GRIK1: variants seen among roughly 807,000 people sequenced by gnomAD.
GRIK1 encodes glutamate receptor ionotropic, kainate 1.
In GRIK1, 69 loss-of-function variants were observed where a neutral mutation model predicts 105.7. The observed-to-expected ratio is 0.65, with a 90% CI of 0.54 to 0.80. The LOEUF (loss-of-function observed/expected upper bound fraction) is 0.80, where lower values mean the gene tolerates loss of function less well. GRIK1 is among the 30% of genes least tolerant of loss of function. The pLI is 0.00. For synonymous variants in GRIK1, 438 were observed against 431.3 expected, an observed-to-expected ratio of 1.02 and a Z score of -0.19; for missense variants, 1,109 against 1,167.3, an observed-to-expected ratio of 0.95 and a Z score of 0.73.
chr21:29,560,515 CCTTCCTTT>C lies in GRIK1; in HGVS notation c.2356+1101_2356+1108del, dbSNP rs1331059492. Reference sequence around the variant, plus strand: ...TCTTTCTTTCCTTCCTTCCTTCCTTCCTTCCTTTCTTTCTTTCTTTCTTTCTTTCTTTC... The same window carrying C: ...TCTTTCTTTCCTTCCTTCCTTCCTTCCTTTCTTTCTTTCTTTCTTTCTTTC... On this transcript the variant is annotated intron_variant, in intron 15 of 17. Coordinates refer to ENST00000327783, the MANE Select transcript of GRIK1 (RefSeq NM_001330994.2). Among the ~76,000 whole-genome samples, 65 of 50,254 alleles carry C rather than the reference CCTTCCTTT, an allele frequency of 1.3e-3. 6 individuals carry two copies. Among genetic ancestry groups the C allele is most frequent in the Admixed American group, 3.2e-3 (13 of 4,082 alleles). 33.0% of individuals were successfully genotyped at this position (50,254 alleles called of 152,430 possible). A position where few individuals can be genotyped will look rare whatever the true frequency, so the allele number is the denominator to read the frequency against.
intron 1 of GRIK1, among the ~76,000 whole-genome samples, chr21:29,722,359 A>G (rs1218643616): frequency 2.0e-5 from 3 of 152,086 alleles, no homozygotes. Flanking sequence ...GATCGAGACC[A>G]TCCTGGCTAA....
intron 1 of GRIK1, among the ~76,000 whole-genome samples, chr21:29,777,607 G>A (rs1209345380): frequency 6.6e-6 from 1 of 152,204 alleles, no homozygotes; most frequent in Non-Finnish European, 1.5e-5. Flanking sequence ...GGACATAGGT[G>A]AGGTGGCAAG....
chr21:29,773,134 T>G (rs1180745768), intron 1 of GRIK1, among the ~76,000 whole-genome samples: 2 of 152,194 alleles, frequency 1.3e-5, no homozygotes, highest in African/African-American at 4.8e-5. Flanking sequence ...TAAACTTTTA[T>G]GATAATATCT....
At chr21:29,708,731 CAG>C (rs1404886080) in intron 1 of GRIK1, among the ~76,000 whole-genome samples, 1 of 152,240 alleles carries the variant, frequency 6.6e-6, no homozygotes, top group Non-Finnish European at 1.5e-5. Flanking sequence ...GAGCCTGCAA[CAG>C]ACTCACTACA....
intron 4 of GRIK1, among the ~76,000 whole-genome samples, chr21:29,664,429 A>C (rs531294377): frequency 2.0e-5 from 3 of 152,336 alleles, no homozygotes; most frequent in Non-Finnish European, 4.4e-5. Context: ...ATACATTGTC[A>C]CATTTAAATT....
chr21:29,867,020 T>C (rs1403468499), intron 1 of GRIK1, among the ~76,000 whole-genome samples: 1 of 152,224 alleles, frequency 6.6e-6, no homozygotes. Context: ...TATTCTGTCC[T>C]TTATGTCATC....
At chr21:29,589,198 T>C (rs1481618039) in intron 10 of GRIK1, among the ~76,000 whole-genome samples, 156 bp from the exon 11 acceptor site, 2 of 152,208 alleles carry the variant, frequency 1.3e-5, no homozygotes, top group Non-Finnish European at 2.9e-5. Flanking sequence ...CCTCTATAAA[T>C]ACAAAACACT....
rs1239745467 is a variant in GRIK1 at position 29,834,324 on chromosome 21, A to G, written c.118+105059T>C. Among the ~76,000 whole-genome samples the G allele has an allele frequency of 4.0e-5, 6 of 148,556 alleles. No individual in the cohort carries two copies. In the South Asian group the frequency reaches 1.2e-3, roughly 31 times the overall value. On this transcript the variant is annotated intron_variant, in intron 1 of 17. Coordinates refer to ENST00000327783, the MANE Select transcript of GRIK1 (RefSeq NM_001330994.2). ...AGTGGCAATATTCTTATATATATAT[A>G]AAAATATATATATTTATGTATTACA...
intron 1 of GRIK1, among the ~76,000 whole-genome samples, chr21:29,839,948 TG>T (rs2067929529): frequency 2.0e-5 from 3 of 152,180 alleles, no homozygotes; most frequent in Admixed American, 2.0e-4. Flanking sequence ...AGGGCTTGAA[TG>T]ACGGCAAATT....
At chr21:29,785,166 C>A (rs564368282) in intron 1 of GRIK1, among the ~76,000 whole-genome samples, 2 of 152,154 alleles carry the variant, frequency 1.3e-5, no homozygotes, top group Admixed American at 6.5e-5. Flanking sequence ...TCAGAAGTAT[C>A]ACCATTTTAT....
At chr21:29,928,837 A>T (rs1053817561) in intron 1 of GRIK1, among the ~76,000 whole-genome samples, 1 of 152,176 alleles carries the variant, frequency 6.6e-6, no homozygotes, top group Non-Finnish European at 1.5e-5. Flanking sequence ...AATGACAGCA[A>T]ATGCCTCTCC....
intron 14 of GRIK1, among the ~76,000 whole-genome samples, chr21:29,562,647 C>T (rs2090509295): frequency 6.6e-6 from 1 of 150,900 alleles, no homozygotes. Flanking sequence ...AACAGCGAGA[C>T]TCTGTCTCAA....
At chr21:29,848,779 A>ATATATATATATATATATATATAT in intron 1 of GRIK1, among the ~76,000 whole-genome samples, 12 of 77,864 alleles carry the variant, frequency 1.5e-4, no homozygotes, top group African/African-American at 6.4e-4. Flanking sequence ...ATATATATAT[A>ATATATATATATATATATATATAT]TTTTTTTTTT....
At chr21:29,645,557 C>T (rs1297527726) in intron 6 of GRIK1, among the ~76,000 whole-genome samples, 1 of 152,054 alleles carries the variant, frequency 6.6e-6, no homozygotes, top group African/African-American at 2.4e-5. Flanking sequence ...CCCTTCAACC[C>T]AAAGAAGAAA....
In GRIK1 at chr21:29,939,771, A is replaced by G. The variant is rs2071914721; in HGVS notation, c.-271T>C. On this transcript the variant is annotated 5_prime_UTR_variant, in exon 1 of 18. Coordinates refer to ENST00000327783, the MANE Select transcript of GRIK1 (RefSeq NM_001330994.2). ...CATGGGCCGCAGACCGCGGAGGATC[A>G]GCGCTCTCTGGCTCCCGGAGCCCAG... 2 of 339,232 alleles carry G rather than the reference A, an allele frequency of 5.9e-6. No individual in the cohort carries two copies. The highest frequency in any genetic ancestry group is 5.3e-6 in the Non-Finnish European group (1 of 188,250). The allele number at this position is 339,232 out of a possible 1,614,324, so 21.0% of individuals were successfully genotyped here. A position where few individuals can be genotyped will look rare whatever the true frequency, so the allele number is the denominator to read the frequency against.
intron 1 of GRIK1, chr21:29,760,301 A>G (rs1284203540): frequency 6.6e-6 from 1 of 152,256 alleles, no homozygotes. Flanking sequence ...GGAAACCCTC[A>G]TTGGTGGAGA....
intron 1 of GRIK1, among the ~76,000 whole-genome samples, chr21:29,779,816 A>G (rs1425187442): frequency 1.3e-5 from 2 of 152,238 alleles, no homozygotes; most frequent in Non-Finnish European, 2.9e-5. Flanking sequence ...CTCATGGAAC[A>G]ACTTTTGCTG....
chr21:29,711,708 A>C (rs1229463952), intron 1 of GRIK1, among the ~76,000 whole-genome samples: 2 of 151,772 alleles, frequency 1.3e-5, no homozygotes, highest in Non-Finnish European at 2.9e-5. Context: ...GCTCTATGTA[A>C]CTCTGGCTTA....
At chr21:29,626,011 G>A (rs901245547) in intron 7 of GRIK1, among the ~76,000 whole-genome samples, 4 of 152,090 alleles carry the variant, frequency 2.6e-5, no homozygotes, top group African/African-American at 9.7e-5. Context: ...GAGGTAATTA[G>A]GGTTAAATGA....
Sources: allele counts gnomAD v4.1 joint callset (sites outside exome capture counted in the v4.1 genomes callset), GRCh38; gene constraint gnomAD v4.1.1; transcripts MANE v1.5; gene names NCBI Gene and HGNC (gene_info 2026-07-23, HGNC 2026-07-21).